Variants in NAALADL2 observed in about 807,000 individuals in gnomAD.
NAALADL2 encodes the protein N-acetylated alpha-linked acidic dipeptidase like 2.
In NAALADL2, 76 loss-of-function variants were observed where a neutral mutation model predicts 87.2. That is an observed-to-expected ratio of 0.87 (90% CI 0.72 to 1.05). NAALADL2 has a LOEUF of 1.05. Among genes scored for constraint, NAALADL2 ranks in the 50% least tolerant of loss-of-function variants. The pLI is 0.00. For synonymous variants in NAALADL2, 354 were observed against 331.0 expected (o/e 1.07, Z -0.75); for missense variants, 1,089 against 945.8 (o/e 1.15, Z -1.99).
chr3:174,921,752 C>T (rs1374487383), intron 1 of NAALADL2, among the ~76,000 whole-genome samples: 1 of 143,722 alleles, frequency 7.0e-6, no homozygotes, highest in African/African-American at 2.7e-5. Context: ...TTGCAGTAAG[C>T]CGAGATTGTG....
At chr3:175,128,615 G>A (rs1580597513) in intron 2 of NAALADL2, among the ~76,000 whole-genome samples, 2 of 151,970 alleles carry the variant, frequency 1.3e-5, no homozygotes, top group African/African-American at 4.8e-5. Context: ...TAGGTATAAG[G>A]GAATACAAGG....
chr3:175,132,121 TGGCCGGGCGGGG>T (rs1458992191), intron 2 of NAALADL2, among the ~76,000 whole-genome samples: 1 of 126,612 alleles, frequency 7.9e-6, no homozygotes. Flanking sequence ...ATGGGGCGGC[TGGCCGGGCGGGG>T]GGCTGACCCC....
intron 5 of NAALADL2, among the ~76,000 whole-genome samples, chr3:175,377,315 A>C (rs1767251588): frequency 6.6e-6 from 1 of 152,176 alleles, no homozygotes; most frequent in Non-Finnish European, 1.5e-5. Context: ...CTGTTTCAAA[A>C]ACAAAAACAA....
At chr3:174,633,706 A>G (rs1198899271) in intron 2 of NAALADL2, among the ~76,000 whole-genome samples, 1 of 152,206 alleles carries the variant, frequency 6.6e-6, no homozygotes, top group African/African-American at 2.4e-5. Context: ...GGGTTTCCTC[A>G]GTGAAAAACT....
chr3:175,474,349 A>G (rs1725332616), intron 9 of NAALADL2, among the ~76,000 whole-genome samples: 1 of 152,204 alleles, frequency 6.6e-6, no homozygotes, highest in Non-Finnish European at 1.5e-5. Flanking sequence ...TACATATAGG[A>G]TGTTTTAATG....
chr3:175,110,162 G>A (rs1169418993), intron 2 of NAALADL2, among the ~76,000 whole-genome samples: 1 of 151,760 alleles, frequency 6.6e-6, no homozygotes, highest in African/African-American at 2.4e-5. Flanking sequence ...TAAGAGAAAT[G>A]TATTTCTGAT....
chr3:175,607,271 A>G (rs1482719757), intron 10 of NAALADL2, among the ~76,000 whole-genome samples: 1 of 152,180 alleles, frequency 6.6e-6, no homozygotes, highest in African/African-American at 2.4e-5. Context: ...GAAATTTATA[A>G]TCTCATATTC....
intron 1 of NAALADL2, among the ~76,000 whole-genome samples, chr3:174,965,545 G>T (rs1742744599): frequency 6.6e-6 from 1 of 151,956 alleles, no homozygotes; most frequent in Non-Finnish European, 1.5e-5. Context: ...TTTTGATAAG[G>T]GTAGCAGAGA....
intron 11 of NAALADL2, among the ~76,000 whole-genome samples, chr3:175,636,015 G>T (rs946558572): frequency 1.2e-4 from 18 of 152,150 alleles, no homozygotes; most frequent in African/African-American, 3.4e-4. Flanking sequence ...ACAGTTTAAT[G>T]TAGATATTAA....
At chr3:175,352,505 G>C (rs2148880295) in intron 5 of NAALADL2, among the ~76,000 whole-genome samples, 1 of 152,266 alleles carries the variant, frequency 6.6e-6, no homozygotes, top group South Asian at 2.1e-4. Context: ...TTCTTACCTT[G>C]TTAGGTGAGG....
intron 2 of NAALADL2, among the ~76,000 whole-genome samples, chr3:175,202,764 C>A (rs1170405314): frequency 6.6e-6 from 1 of 151,982 alleles, no homozygotes; most frequent in Admixed American, 6.6e-5. Flanking sequence ...TGTGTCTGAG[C>A]TCAGACTCTG....
chr3:174,577,115 C>T (rs1179134926), intron 2 of NAALADL2, among the ~76,000 whole-genome samples: 1 of 152,042 alleles, frequency 6.6e-6, no homozygotes, highest in Non-Finnish European at 1.5e-5. Context: ...CAACAATCAA[C>T]TGTCTAGATG....
intron 1 of NAALADL2, among the ~76,000 whole-genome samples, chr3:174,463,767 A>AT (rs1445185805): frequency 2.6e-5 from 4 of 151,576 alleles, no homozygotes; most frequent in Admixed American, 2.0e-4. Flanking sequence ...CGCCTGGCTA[A>AT]TTTTTTGTAT....
intron 5 of NAALADL2, among the ~76,000 whole-genome samples, chr3:175,383,681 G>C (rs1462931043): frequency 6.6e-6 from 1 of 151,428 alleles, no homozygotes; most frequent in East Asian, 1.9e-4. Flanking sequence ...AGAGTATAAG[G>C]GAAAAAAAAT....
At chr3:174,478,708 T>TTTTTG (rs574597493) in intron 1 of NAALADL2, among the ~76,000 whole-genome samples, 40 of 152,174 alleles carry the variant, frequency 2.6e-4, no homozygotes, top group African/African-American at 7.9e-4. Flanking sequence ...GTATGTCCAG[T>TTTTTG]TTTTGTTTTG....
intron 3 of NAALADL2, among the ~76,000 whole-genome samples, chr3:174,799,078 G>A (rs942092501): frequency 6.6e-6 from 1 of 151,750 alleles, no homozygotes; most frequent in Admixed American, 6.6e-5. Context: ...GCTGAGGCAG[G>A]AGAATTGCTT....
intron 13 of NAALADL2, among the ~76,000 whole-genome samples, chr3:175,791,252 AT>A (rs1461167584): frequency 1.3e-5 from 2 of 152,198 alleles, no homozygotes; most frequent in Admixed American, 1.3e-4. Flanking sequence ...TGTAGTGGAT[AT>A]TGCTCTTTTA....
intron 9 of NAALADL2, among the ~76,000 whole-genome samples, chr3:175,529,796 G>A (rs193025730): frequency 2.6e-5 from 4 of 152,288 alleles, no homozygotes; most frequent in African/African-American, 9.6e-5. Flanking sequence ...TGAGTCCATG[G>A]ATCGTAGTCT....
At chr3:175,724,167 A>G (rs1742619998) in intron 11 of NAALADL2, among the ~76,000 whole-genome samples, 1 of 152,256 alleles carries the variant, frequency 6.6e-6, no homozygotes, top group African/African-American at 2.4e-5. Flanking sequence ...TAATAAAAGT[A>G]TAAGGTCATA....
Sources: allele counts gnomAD v4.1 joint callset (sites outside exome capture counted in the v4.1 genomes callset), GRCh38; gene constraint gnomAD v4.1.1; transcripts MANE v1.5; gene names NCBI Gene and HGNC (gene_info 2026-07-23, HGNC 2026-07-21).